Variants in DSC2 observed in about 807,000 individuals in gnomAD.
DSC2 encodes desmocollin 2, also known as desmocollin-2.
DSC2 carries 51 observed loss-of-function variants against 87.6 expected under a neutral mutation model. The ratio of observed to expected loss-of-function variants is 0.58; its 90% CI spans 0.46 to 0.74. DSC2 has a LOEUF of 0.74. Among genes scored for constraint, DSC2 ranks in the 30% least tolerant of loss-of-function variants. The probability of loss-of-function intolerance (pLI) is 0.00; values close to 1 mark genes in which losing one functional copy is unlikely to be tolerated. For missense variants in DSC2, 1,066 were observed against 1,089.5 expected, an observed-to-expected ratio of 0.98 and a Z score of 0.30; for synonymous variants, 383 against 393.2, an observed-to-expected ratio of 0.97 and a Z score of 0.31.
rs528197231 is a variant in DSC2 at position 31,061,693 on chromosome 18, A to G, written c.*6322T>C. On this transcript the variant is annotated 3_prime_UTR_variant, in exon 16 of 16. Transcript: ENST00000280904. ...GTTTTACCTTAAGACTCTATATTGCATGTCTTATTTGAAATATCTAAAGTT... is the reference window on the plus strand; with the variant it reads ...GTTTTACCTTAAGACTCTATATTGCGTGTCTTATTTGAAATATCTAAAGTT... The G allele has an allele frequency of 2.0e-5, 3 of 152,150 alleles. No homozygotes were observed. Among genetic ancestry groups the G allele is most frequent in the Non-Finnish European group, 4.4e-5 (3 of 68,030 alleles). The allele number at this position is 152,150 out of a possible 1,614,324, so 9.4% of individuals were successfully genotyped here.
intron 1 of DSC2, among the ~76,000 whole-genome samples, chr18:31,098,768 T>C (rs1987843686): frequency 6.6e-6 from 1 of 152,222 alleles, no homozygotes; most frequent in African/African-American, 2.4e-5. Flanking sequence ...ATTTACACTT[T>C]TATTTGTCAA....
At chr18:31,086,477 G>A (rs1395479725) in intron 7 of DSC2, 99 bp downstream of exon 7, 1 of 1,382,606 alleles carries the variant, frequency 7.2e-7, no homozygotes, top group East Asian at 2.3e-5. Context: ...TTTCTAAAAT[G>A]AGATTCACAA....
chr18:31,099,259 A>G (rs190838184), intron 1 of DSC2, among the ~76,000 whole-genome samples: 1 of 151,936 alleles, frequency 6.6e-6, no homozygotes, highest in Non-Finnish European at 1.5e-5. Flanking sequence ...CCTAGAACAG[A>G]AAACCAAGAG....
chr18:31,071,720 G>T lies in DSC2; in HGVS notation c.2010C>A (p.Asp670Glu), dbSNP rs1423264468. Residue 670 changes from aspartate (D) to glutamate (E), a missense_variant, in exon 13 of 16, where the codon GAC becomes GAA. Physicochemically the swap from Asp to Glu is conservative, Grantham distance 45. Coordinates refer to ENST00000280904, the MANE Select transcript of DSC2 (RefSeq NM_024422.6). ...SVTSLDVTLCDCITENDCTHR... is the reference protein window; with the variant it reads ...SVTSLDVTLCECITENDCTHR... ...GTGTGCAGTCATTTTCGGTAATGCAGTCACACAGTGTAACATCCAATGAAG... is the reference window on the plus strand; with the variant it reads ...GTGTGCAGTCATTTTCGGTAATGCATTCACACAGTGTAACATCCAATGAAG... 2 of 1,613,870 alleles carry T rather than the reference G, an allele frequency of 1.2e-6. No individual in the cohort carries two copies. Among genetic ancestry groups the T allele is most frequent in the African/African-American group, 2.7e-5 (2 of 74,920 alleles).
chr18:31,069,031 GTCC>G lies in DSC2; in HGVS notation c.2368_2370del (p.Gly790del), dbSNP rs377272752. On this transcript the variant is annotated inframe_deletion, in exon 15 of 16. Coordinates refer to ENST00000280904, the MANE Select transcript of DSC2 (RefSeq NM_024422.6). Reference sequence around the variant, plus strand: ...CCCCGGCAGGATTCCGAGGTCTGGTGTCCTCCTTTCACCATTTCGATGGTCTCC... The same window carrying G: ...CCCCGGCAGGATTCCGAGGTCTGGTGTCCTTTCACCATTTCGATGGTCTCC... 4.6e-4 allele frequency: 743 copies of G among 1,614,076 alleles called. 9 individuals are homozygous for G. In the East Asian group the frequency reaches 0.013, roughly 28 times the overall value.
intron 15 of DSC2, 81 bp from the exon 16 acceptor site, chr18:31,068,293 A>T: frequency 6.2e-7 from 1 of 1,613,476 alleles, no homozygotes; most frequent in Non-Finnish European, 8.5e-7. Flanking sequence ...AATTGCTTTG[A>T]TTTACCTTTC....
chr18:31,083,160 G>A, intron 7 of DSC2, 100 bp from the exon 8 acceptor site: 1 of 1,322,254 alleles, frequency 7.6e-7, no homozygotes, highest in Non-Finnish European at 1.1e-6. Flanking sequence ...AAGAATTTAA[G>A]AAGTGCATTA....
chr18:31,090,195 T>C, intron 4 of DSC2, among the ~76,000 whole-genome samples: 1 of 152,186 alleles, frequency 6.6e-6, no homozygotes, highest in East Asian at 1.9e-4. Context: ...CTCAGTAACA[T>C]CCTATCTTTA....
chr18:31,062,635 T>G lies in DSC2; in HGVS notation c.*5380A>C, dbSNP rs1205619461. On this transcript the variant is annotated 3_prime_UTR_variant, in exon 16 of 16. Transcript: ENST00000280904. ...ACTGCTCTACATGTTAGGCATACAG[T>G]GGTCAAGAAGACAGAGGAGAACCCT... 3.9e-5 allele frequency: 6 copies of G among 152,160 alleles called. No individual in the cohort carries two copies. In the East Asian group the frequency reaches 1.2e-3, roughly 29 times the overall value. The allele number at this position is 152,160 out of a possible 1,614,324, so 9.4% of individuals were successfully genotyped here. A position where few individuals can be genotyped will look rare whatever the true frequency, so the allele number is the denominator to read the frequency against.
Position 31,074,757 on chromosome 18 carries a change from C to T in DSC2, c.1814G>A (p.Gly605Asp), listed in dbSNP as rs1342808624. 1.9e-6 allele frequency: 3 copies of T among 1,613,830 alleles called. No individual in the cohort carries two copies. The African/African-American group carries it at 4.0e-5, about 22-fold the overall frequency. Residue 605 changes from glycine to aspartate, a missense_variant, in exon 12 of 16, where the codon GGC becomes GAC. Transcript: ENST00000280904. Reference protein sequence around the residue: ...VAVDPDEPIHGPPFDFSLESS... With the variant: ...VAVDPDEPIHDPPFDFSLESS... ...CTCCAGACTAAAGTCAAAGGGTGGG[C>T]CATGGATAGGCTCATCAGGATCAAC...
At chr18:31,086,466 G>A in intron 7 of DSC2, 110 bp downstream of exon 7, 4 of 1,326,274 alleles carry the variant, frequency 3.0e-6, no homozygotes, top group Non-Finnish European at 4.3e-6. Context: ...AAATAATAAT[G>A]TTTCTAAAAT....
rs755531328 is a variant in DSC2 at position 31,071,594 on chromosome 18, T to C, written c.2125+11A>G. On this transcript the variant is annotated intron_variant, in intron 13 of 15. Transcript: ENST00000280904. ...GTATTATTTGAATTCAAGAAAGGAC[T>C]TAAGACTTACAAAAGAGCAATGCTA... 10 of 1,611,414 alleles carry C rather than the reference T, an allele frequency of 6.2e-6. No homozygotes were observed. The highest frequency in any genetic ancestry group is 8.5e-6 in the Non-Finnish European group (10 of 1,177,714).
At position 31,065,037 on chromosome 18, in the gene DSC2, T is replaced by C. The variant is rs1986580579; in HGVS notation, c.*2978A>G. On this transcript the variant is annotated 3_prime_UTR_variant, in exon 16 of 16. Coordinates refer to ENST00000280904, the MANE Select transcript of DSC2 (RefSeq NM_024422.6). The stretch of plus-strand genomic sequence containing the variant: ...TCATTTGCTGAAGAAGCACCAGCCA[T>C]TTCTTCGGGAAACTCTTTATGATTT... The C allele has an allele frequency of 6.6e-6, 1 of 152,240 alleles. No homozygotes were observed. Among genetic ancestry groups the C allele is most frequent in the Non-Finnish European group, 1.5e-5 (1 of 68,040 alleles). The allele number at this position is 152,240 out of a possible 1,614,324, so 9.4% of individuals were successfully genotyped here. A position where few individuals can be genotyped will look rare whatever the true frequency, so the allele number is the denominator to read the frequency against.
intron 6 of DSC2, among the ~76,000 whole-genome samples, chr18:31,087,433 C>T (rs1042844266): frequency 6.6e-6 from 1 of 152,182 alleles, no homozygotes; most frequent in Non-Finnish European, 1.5e-5. Flanking sequence ...AGCTTCACTT[C>T]ATCTTCATAA....
chr18:31,089,175 A>T (rs954665097), intron 5 of DSC2, among the ~76,000 whole-genome samples: 7 of 151,754 alleles, frequency 4.6e-5, no homozygotes, highest in African/African-American at 1.7e-4. Flanking sequence ...AAAAAAAAAA[A>T]AAAAAAAACT....
intron 1 of DSC2, among the ~76,000 whole-genome samples, chr18:31,094,352 C>T (rs1987699936): frequency 6.6e-6 from 1 of 152,162 alleles, no homozygotes. Context: ...ACAATAGGCA[C>T]ATAACTTTGA....
chr18:31,100,061 T>C (rs1416644439), intron 1 of DSC2, among the ~76,000 whole-genome samples: 1 of 152,138 alleles, frequency 6.6e-6, no homozygotes, highest in Admixed American at 6.5e-5. Context: ...AATAATTTCT[T>C]ACACTTAGTA....
At chr18:31,076,659 T>G (rs1020772518) in intron 11 of DSC2, among the ~76,000 whole-genome samples, 2 of 152,096 alleles carry the variant, frequency 1.3e-5, no homozygotes, top group Admixed American at 1.3e-4. Context: ...ATAGACAGAA[T>G]GGCAGAGAAG....
rs193084062 is a variant in DSC2 at position 31,097,204 on chromosome 18, T to C, written c.70-3561A>G. 3.8e-3 allele frequency among the ~76,000 whole-genome samples: 569 copies of C among 149,606 alleles called. 5 individuals are homozygous for C. Among genetic ancestry groups the C allele is most frequent in the Middle Eastern group, 0.021 (6 of 286 alleles). On this transcript the variant is annotated intron_variant, in intron 1 of 15. Transcript: ENST00000280904. ...TCGGGAGGCTGAGGGAGGAGAATGG[T>C]GTGAACCCGAGAGGCAGAGCTTGCA...
Sources: gnomAD v4.1 joint callset for allele counts (sites outside exome capture counted in the v4.1 genomes callset) on GRCh38, gnomAD v4.1.1 for gene constraint, MANE v1.5 for transcripts, NCBI Gene and HGNC (gene_info 2026-07-23, HGNC 2026-07-21) for gene names.